ANKRD45: variants seen among roughly 807,000 people sequenced by gnomAD.
The protein encoded by ANKRD45 is ankyrin repeat domain 45.
A neutral mutation model predicts 28.1 loss-of-function variants in ANKRD45; 21 were observed. The observed-to-expected ratio is 0.75, with a 90% confidence interval of 0.53 to 1.08. ANKRD45 has a LOEUF of 1.08. ANKRD45 is among the 50% of genes least tolerant of loss of function. The probability of loss-of-function intolerance (pLI) is 0.00; values close to 1 mark genes in which losing one functional copy is unlikely to be tolerated. For synonymous variants in ANKRD45, 86 were observed against 103.9 expected, an observed-to-expected ratio of 0.83 and a Z score of 1.05; for missense variants, 261 against 308.7, an observed-to-expected ratio of 0.85 and a Z score of 1.16.
the ANKRD45 span, among the ~76,000 whole-genome samples, chr1:173,710,197 G>A: frequency 3.9e-5 from 6 of 152,256 alleles, no homozygotes; most frequent in Non-Finnish European, 7.4e-5. Context: ...TGGGCATTGT[G>A]GAACACTCCT....
At chr1:173,650,813 T>C (rs1449755435) in intron 2 of ANKRD45, among the ~76,000 whole-genome samples, 1 of 152,230 alleles carries the variant, frequency 6.6e-6, no homozygotes, top group Non-Finnish European at 1.5e-5. Flanking sequence ...TGGTATCTCA[T>C]TGTGGGTTTG....
intron 2 of ANKRD45, among the ~76,000 whole-genome samples, chr1:173,655,621 C>A (rs1669468614): frequency 6.6e-6 from 1 of 152,202 alleles, no homozygotes. Flanking sequence ...CTGGGAGAAC[C>A]ACTGCTCTCT....
the ANKRD45 span, among the ~76,000 whole-genome samples, chr1:173,695,665 TGA>T: frequency 6.6e-6 from 1 of 152,208 alleles, no homozygotes; most frequent in East Asian, 1.9e-4. Context: ...GATAAGCATA[TGA>T]GTGTGTGTGT....
chr1:173,672,439 A>G (rs771889883), upstream of ANKRD45, among the ~76,000 whole-genome samples: 1 of 152,254 alleles, frequency 6.6e-6, no homozygotes, highest in Non-Finnish European at 1.5e-5. Context: ...CTTATGATGC[A>G]TAACTGTACA....
At chr1:173,655,122 G>T (rs1026013587) in intron 2 of ANKRD45, among the ~76,000 whole-genome samples, 1 of 152,048 alleles carries the variant, frequency 6.6e-6, no homozygotes, top group East Asian at 1.9e-4. Flanking sequence ...GTCATTCTCC[G>T]TCCAGCTTTG....
chr1:173,683,519 T>C, the ANKRD45 span, among the ~76,000 whole-genome samples: 1 of 152,300 alleles, frequency 6.6e-6, no homozygotes, highest in South Asian at 2.1e-4. Context: ...AGAGATTCTC[T>C]GGAGGGGGTG....
the ANKRD45 span, among the ~76,000 whole-genome samples, chr1:173,689,328 C>A: frequency 6.6e-6 from 1 of 152,076 alleles, no homozygotes; most frequent in African/African-American, 2.4e-5. Context: ...GGGTTCGGAC[C>A]CTTTATAGTT....
chr1:173,689,927 C>T, the ANKRD45 span, among the ~76,000 whole-genome samples: 2 of 151,972 alleles, frequency 1.3e-5, no homozygotes, highest in Non-Finnish European at 2.9e-5. Context: ...CCAAGATGGA[C>T]AGTAACTCGA....
At position 173,652,925 on chromosome 1, in the gene ANKRD45, G is replaced by A. The variant is rs187412354; in HGVS notation, c.329-5912C>T. 5.0e-3 allele frequency among the ~76,000 whole-genome samples: 760 copies of A among 152,300 alleles called. 7 individuals carry two copies. The highest frequency in any genetic ancestry group is 0.018 in the African/African-American group (731 of 41,570). On this transcript the variant is annotated intron_variant, in intron 2 of 5. Transcript: ENST00000333279. The stretch of plus-strand genomic sequence containing the variant: ...TTGACTGATGGTAGTTTGTATTTCT[G>A]TGGGATCGGTGGTGACATCCCCTTT...
chr1:173,637,653 G>A (rs745397111), intron 3 of ANKRD45, among the ~76,000 whole-genome samples: 5 of 152,180 alleles, frequency 3.3e-5, no homozygotes, highest in East Asian at 1.9e-4. Flanking sequence ...AATGGAAACC[G>A]GACACAGCAG....
chr1:173,691,887 C>T, the ANKRD45 span, among the ~76,000 whole-genome samples: 61 of 152,330 alleles, frequency 4.0e-4, no homozygotes, highest in Middle Eastern at 6.8e-3. Context: ...TTATCCTTGA[C>T]GCACATGGCC....
At chr1:173,684,811 T>C in the ANKRD45 span, among the ~76,000 whole-genome samples, 1 of 152,244 alleles carries the variant, frequency 6.6e-6, no homozygotes, top group African/African-American at 2.4e-5. Flanking sequence ...TAGCCCCTAA[T>C]TGTTCAGGTA....
At chr1:173,652,568 G>A (rs1435602442) in intron 2 of ANKRD45, among the ~76,000 whole-genome samples, 2 of 152,138 alleles carry the variant, frequency 1.3e-5, no homozygotes, top group Non-Finnish European at 2.9e-5. Flanking sequence ...TTTTTTGGTT[G>A]TGTCTCTGCC....
the ANKRD45 span, among the ~76,000 whole-genome samples, chr1:173,684,794 T>C: frequency 6.6e-6 from 1 of 152,250 alleles, no homozygotes; most frequent in African/African-American, 2.4e-5. Context: ...CCAAGCCATC[T>C]GGCTAGTAGC....
chr1:173,661,977 T>A (rs1669794779), intron 1 of ANKRD45, among the ~76,000 whole-genome samples: 2 of 152,148 alleles, frequency 1.3e-5, no homozygotes, highest in Admixed American at 1.3e-4. Flanking sequence ...CTGCAGAGAA[T>A]GACAAAGACT....
chr1:173,698,249 G>C, the ANKRD45 span, among the ~76,000 whole-genome samples: 1 of 152,098 alleles, frequency 6.6e-6, no homozygotes, highest in African/African-American at 2.4e-5. Flanking sequence ...GTCAATATTA[G>C]ACAGATCAAC....
Position 173,642,860 on chromosome 1 carries a change from C to T in ANKRD45, c.496+3986G>A, listed in dbSNP as rs549930390. ...TATTCCAGCCAATGGAAACCGGACACAGCAGCAGGGTGGATGCATCAGGTT... is the reference window on the plus strand; with the variant it reads ...TATTCCAGCCAATGGAAACCGGACATAGCAGCAGGGTGGATGCATCAGGTT... On this transcript the variant is annotated intron_variant, in intron 3 of 5. Transcript: ENST00000333279. Among the ~76,000 whole-genome samples, 4 of 152,320 alleles carry T rather than the reference C, an allele frequency of 2.6e-5. No individual in the cohort carries two copies. In the East Asian group the frequency reaches 5.8e-4, roughly 22 times the overall value.
intron 5 of ANKRD45, among the ~76,000 whole-genome samples, chr1:173,615,613 G>A (rs1227031394): frequency 1.3e-5 from 2 of 152,080 alleles, no homozygotes; most frequent in Non-Finnish European, 1.5e-5. Context: ...GACAAATACT[G>A]ACAAAGATGT....
intron 5 of ANKRD45, among the ~76,000 whole-genome samples, chr1:173,611,621 A>ACACT (rs35863665): frequency 9.9e-5 from 11 of 110,592 alleles, no homozygotes; most frequent in African/African-American, 2.6e-4. Flanking sequence ...ACACACACAC[A>ACACT]ATAAAAATAT....
Sources: allele counts gnomAD v4.1 joint callset (sites outside exome capture counted in the v4.1 genomes callset), GRCh38; gene constraint gnomAD v4.1.1; transcripts MANE v1.5; gene names NCBI Gene and HGNC (gene_info 2026-07-23, HGNC 2026-07-21).